The following RIMS2 variants were observed in gnomAD, a reference collection of about 807,000 sequenced individuals.
The protein encoded by RIMS2 is regulating synaptic membrane exocytosis protein 2.
A neutral mutation model predicts 174.4 loss-of-function variants in RIMS2; 59 were observed. That is an observed-to-expected ratio of 0.34 (90% CI 0.27 to 0.42). The LOEUF (loss-of-function observed/expected upper bound fraction) is 0.42. RIMS2 is among the 10% of genes least tolerant of loss of function. The pLI is 1.00. For missense variants in RIMS2, 1,620 were observed against 1,666.3 expected, an observed-to-expected ratio of 0.97 and a Z score of 0.48; for synonymous variants, 606 against 572.5, an observed-to-expected ratio of 1.06 and a Z score of -0.84.
At chr8:103,624,033 C>T (rs896281821) in intron 1 of RIMS2, among the ~76,000 whole-genome samples, 4 of 152,114 alleles carry the variant, frequency 2.6e-5, no homozygotes, top group Non-Finnish European at 4.4e-5. Context: ...CTTCTAAGGA[C>T]CTCTCTAGTT....
chr8:103,721,687 G>A (rs2097450793), intron 2 of RIMS2, among the ~76,000 whole-genome samples: 1 of 152,160 alleles, frequency 6.6e-6, no homozygotes, highest in Admixed American at 6.5e-5. Flanking sequence ...CTTTGAGCAA[G>A]TTATTTCAAT....
chr8:103,910,340 AAG>A, intron 5 of RIMS2: 1 of 1,600,478 alleles, frequency 6.2e-7, no homozygotes, highest in Non-Finnish European at 8.5e-7. Flanking sequence ...AAAAGGGAAA[AAG>A]AAAAACTAGT....
chr8:104,251,863 A>AT (rs1167994129), downstream of RIMS2: 1 of 1,126,760 alleles, frequency 8.9e-7, no homozygotes. Context: ...GCGTTACAAA[A>AT]AAAAAAAAAA....
intron 3 of RIMS2, among the ~76,000 whole-genome samples, chr8:103,772,270 G>T (rs1564579172): frequency 6.6e-6 from 1 of 151,662 alleles, no homozygotes; most frequent in East Asian, 1.9e-4. Context: ...ACATTAATGG[G>T]ATCTATAAAA....
chr8:103,747,574 A>C (rs903747531), intron 2 of RIMS2, among the ~76,000 whole-genome samples: 1 of 152,108 alleles, frequency 6.6e-6, no homozygotes, highest in African/African-American at 2.4e-5. Context: ...TTTATGAGAG[A>C]TACCTGGTGA....
intron 1 of RIMS2, among the ~76,000 whole-genome samples, chr8:103,596,312 G>A (rs190141336): frequency 7.9e-5 from 12 of 151,996 alleles, no homozygotes; most frequent in African/African-American, 2.2e-4. Context: ...TTAGGTGATC[G>A]CCAATTAATT....
intron 17 of RIMS2, among the ~76,000 whole-genome samples, chr8:103,998,807 C>A (rs1048121857): frequency 6.6e-6 from 1 of 151,756 alleles, no homozygotes; most frequent in Non-Finnish European, 1.5e-5. Flanking sequence ...CATTTCTACC[C>A]TACCACCATT....
At chr8:104,059,098 C>T (rs2096928208) in intron 19 of RIMS2, among the ~76,000 whole-genome samples, 1 of 151,032 alleles carries the variant, frequency 6.6e-6, no homozygotes, top group Admixed American at 6.6e-5. Flanking sequence ...TTTTCCAATT[C>T]TGTGAAGAAA....
intron 19 of RIMS2, among the ~76,000 whole-genome samples, chr8:104,074,107 T>C (rs922013653): frequency 6.6e-6 from 1 of 152,230 alleles, no homozygotes; most frequent in Non-Finnish European, 1.5e-5. Flanking sequence ...ACATTGACTT[T>C]CAAGGCACAG....
chr8:103,830,549 T>C lies in RIMS2; in HGVS notation c.699-54749T>C, dbSNP rs141765041. On this transcript the variant is annotated intron_variant, in intron 3 of 23. Transcript: ENST00000504942. Reference sequence around the variant, plus strand: ...CCACTGTGAGGACTATCTTGAACATTCCACATGTATTTGAAAGGAATGTGT... The same window carrying C: ...CCACTGTGAGGACTATCTTGAACATCCCACATGTATTTGAAAGGAATGTGT... Among the ~76,000 whole-genome samples the C allele has an allele frequency of 2.0e-4, 30 of 152,312 alleles. No homozygotes were observed. The East Asian group carries it at 3.1e-3, about 16-fold the overall frequency.
At chr8:104,086,017 G>T (rs570564120) in intron 19 of RIMS2, among the ~76,000 whole-genome samples, 1 of 152,030 alleles carries the variant, frequency 6.6e-6, no homozygotes, top group East Asian at 1.9e-4. Context: ...ATGATCCTGG[G>T]GTAATATAGT....
chr8:103,519,733 C>CTTTT (rs56922734), intron 1 of RIMS2, among the ~76,000 whole-genome samples: 2 of 131,378 alleles, frequency 1.5e-5, no homozygotes, highest in Admixed American at 1.6e-4. Flanking sequence ...GGCTTTACTA[C>CTTTT]TTTTTTTTTT....
intron 1 of RIMS2, among the ~76,000 whole-genome samples, chr8:103,586,943 G>T (rs531589775): frequency 2.0e-5 from 3 of 152,038 alleles, no homozygotes; most frequent in East Asian, 1.9e-4. Context: ...ATCATTAGTG[G>T]TTACTATGAG....
At chr8:103,871,511 ACTACTT>A (rs2099111626) in intron 3 of RIMS2, among the ~76,000 whole-genome samples, 1 of 152,158 alleles carries the variant, frequency 6.6e-6, no homozygotes, top group Non-Finnish European at 1.5e-5. Context: ...TCTAGTGGTA[ACTACTT>A]TCAGATTTTT....
intron 1 of RIMS2, among the ~76,000 whole-genome samples, chr8:103,660,772 G>A (rs2136078661): frequency 6.6e-6 from 1 of 152,252 alleles, no homozygotes; most frequent in South Asian, 2.1e-4. Context: ...TGTGGCTCAA[G>A]GCAGGGATAA....
intron 1 of RIMS2, among the ~76,000 whole-genome samples, chr8:103,627,404 T>C (rs1018437210): frequency 4.6e-5 from 7 of 152,144 alleles, no homozygotes; most frequent in Admixed American, 2.6e-4. Context: ...ATTTGTACAA[T>C]AGTGGTCCTG....
chr8:103,810,796 C>G (rs757349217), intron 3 of RIMS2, among the ~76,000 whole-genome samples: 3 of 152,016 alleles, frequency 2.0e-5, no homozygotes, highest in African/African-American at 7.2e-5. Context: ...GATCCCTCAC[C>G]GCCTTTTTTC....
At chr8:103,786,828 T>A (rs1308474567) in intron 3 of RIMS2, among the ~76,000 whole-genome samples, 2 of 152,222 alleles carry the variant, frequency 1.3e-5, no homozygotes, top group Non-Finnish European at 2.9e-5. Flanking sequence ...GGTATCCTTT[T>A]TGACTTTCTG....
chr8:104,206,787 T>A (rs2099082293), intron 19 of RIMS2, among the ~76,000 whole-genome samples: 1 of 152,218 alleles, frequency 6.6e-6, no homozygotes, highest in South Asian at 2.1e-4. Context: ...TAAGTAAACA[T>A]CTGACCAGAC....
Sources: allele counts gnomAD v4.1 joint callset (sites outside exome capture counted in the v4.1 genomes callset), GRCh38; gene constraint gnomAD v4.1.1; transcripts MANE v1.5; gene names NCBI Gene and HGNC (gene_info 2026-07-23, HGNC 2026-07-21).